The following ZNF215 variants were observed in gnomAD, a reference collection of about 807,000 sequenced individuals.
ZNF215 encodes the protein zinc finger protein 215.
ZNF215 carries 24 observed loss-of-function variants against 27.2 expected under a neutral mutation model. The ratio of observed to expected loss-of-function variants is 0.88; its 90% CI spans 0.64 to 1.24. The LOEUF (loss-of-function observed/expected upper bound fraction) is 1.24, where lower values mean the gene tolerates loss of function less well. Ranked by LOEUF, ZNF215 falls within the 50% of genes most tolerant of loss-of-function variation. ZNF215 has a pLI of 0.00. For missense variants in ZNF215, 675 were observed against 605.7 expected (o/e 1.11, Z -1.20); for synonymous variants, 210 against 204.0 (o/e 1.03, Z -0.25).
chr11:6,993,912 C>T (rs1375159390), downstream of ZNF215, among the ~76,000 whole-genome samples: 2 of 152,158 alleles, frequency 1.3e-5, no homozygotes, highest in Non-Finnish European at 2.9e-5. Flanking sequence ...AAAGCAATGC[C>T]ATACCTTCTT....
At chr11:6,937,043 C>T (rs1275509811) in intron 3 of ZNF215, among the ~76,000 whole-genome samples, 11 of 151,886 alleles carry the variant, frequency 7.2e-5, no homozygotes, top group Admixed American at 7.2e-4. Flanking sequence ...CCACTCTTGC[C>T]ACTTCTATTC....
Position 6,956,279 on chromosome 11 carries a change from C to T in ZNF215, c.1302C>T (p.Ala434=), listed in dbSNP as rs1850348310. 8 of 1,614,120 alleles carry T rather than the reference C, an allele frequency of 5.0e-6. No individual in the cohort carries two copies. The highest frequency in any genetic ancestry group is 5.9e-6 in the Non-Finnish European group (7 of 1,180,012). Residue 434 remains alanine, a synonymous_variant, in exon 7 of 7, where the codon GCC becomes GCT. Transcript: ENST00000278319. Reference sequence around the variant, plus strand: ...AAAAACTTCATGCTGAAGCAAAGGCCTGCACAAGCAATAAATGTGGAAAGG... The same window carrying T: ...AAAAACTTCATGCTGAAGCAAAGGCTTGCACAAGCAATAAATGTGGAAAGG... ...KHQKLHAEAK[A]CTSNKCGKAF...
downstream of ZNF215, among the ~76,000 whole-genome samples, chr11:6,959,418 T>G (rs1850469602): frequency 6.6e-6 from 1 of 152,152 alleles, no homozygotes. Context: ...AATAGTGAGA[T>G]AAAATTGTTG....
At chr11:6,938,130 C>A (rs1008088467) in intron 3 of ZNF215, among the ~76,000 whole-genome samples, 2 of 151,912 alleles carry the variant, frequency 1.3e-5, no homozygotes, top group East Asian at 3.9e-4. Context: ...ATATAAAGAA[C>A]TCTTACAATT....
chr11:6,932,118 TTTG>T lies in ZNF215; in HGVS notation c.-153_-151del. On this transcript the variant is annotated 5_prime_UTR_variant, in exon 3 of 7. Coordinates refer to ENST00000278319, the MANE Select transcript of ZNF215 (RefSeq NM_013250.4). ...GTTGCTCAGGTACCTGAATATTGGCTTTGTGTCTAAAGTTTCTGGAACTTTCCT... is the reference window on the plus strand; with the variant it reads ...GTTGCTCAGGTACCTGAATATTGGCTTGTCTAAAGTTTCTGGAACTTTCCT... The T allele has an allele frequency of 1.1e-6, 1 of 874,260 alleles. No homozygotes were observed. The highest frequency in any genetic ancestry group is 1.7e-6 in the Non-Finnish European group (1 of 593,388). 54.2% of individuals were successfully genotyped at this position (874,260 alleles called of 1,614,324 possible).
chr11:6,929,056 G>A (rs567853107), intron 2 of ZNF215, among the ~76,000 whole-genome samples: 1 of 152,258 alleles, frequency 6.6e-6, no homozygotes, highest in Admixed American at 6.5e-5. Context: ...CAGGGCAACT[G>A]GAAGCAATTT....
intron 3 of ZNF215, among the ~76,000 whole-genome samples, chr11:6,937,837 C>G (rs1849492253): frequency 6.6e-6 from 1 of 151,742 alleles, no homozygotes; most frequent in Non-Finnish European, 1.5e-5. Flanking sequence ...ATATCATGTA[C>G]AAAAATTAAC....
At chr11:6,989,847 C>T (rs753105240), downstream of ZNF215, among the ~76,000 whole-genome samples, 1 of 152,074 alleles carries the variant, frequency 6.6e-6, no homozygotes, top group Non-Finnish European at 1.5e-5. Flanking sequence ...GGTCATGTAA[C>T]CTGAGTATGC....
At chr11:6,967,411 C>T (rs1850643726) in intron 5 of ZNF215, among the ~76,000 whole-genome samples, 1 of 152,212 alleles carries the variant, frequency 6.6e-6, no homozygotes. Context: ...AACTAATTTA[C>T]ACTCCCACCA....
intron 3 of ZNF215, among the ~76,000 whole-genome samples, chr11:6,934,089 T>G (rs1402567820): frequency 6.6e-6 from 1 of 152,186 alleles, no homozygotes; most frequent in Non-Finnish European, 1.5e-5. Context: ...ATATTGGTAT[T>G]GTGGTTATAT....
chr11:6,944,236 A>G, intron 6 of ZNF215, among the ~76,000 whole-genome samples: 1 of 152,172 alleles, frequency 6.6e-6, no homozygotes, highest in Non-Finnish European at 1.5e-5. Flanking sequence ...AGATCGCACC[A>G]CTGCACTCCA....
intron 3 of ZNF215, among the ~76,000 whole-genome samples, chr11:6,932,940 C>A (rs978191565): frequency 6.6e-6 from 1 of 152,206 alleles, no homozygotes; most frequent in African/African-American, 2.4e-5. Context: ...ATATGGCACA[C>A]AGGCCAAATA....
At chr11:6,971,515 T>C (rs1355529644) in intron 5 of ZNF215, among the ~76,000 whole-genome samples, 1 of 152,178 alleles carries the variant, frequency 6.6e-6, no homozygotes, top group Non-Finnish European at 1.5e-5. Context: ...AGGAAGATAG[T>C]AGATGCTCAA....
intron 5 of ZNF215, among the ~76,000 whole-genome samples, chr11:6,972,819 C>T (rs1277669513): frequency 6.6e-6 from 1 of 152,152 alleles, no homozygotes; most frequent in Admixed American, 6.6e-5. Context: ...TTGTAGGGCT[C>T]AAGAGACTAG....
At chr11:6,955,483 A>G (rs1850295009) in intron 6 of ZNF215, among the ~76,000 whole-genome samples, 1 of 152,190 alleles carries the variant, frequency 6.6e-6, no homozygotes, top group Non-Finnish European at 1.5e-5. Context: ...AGTATTCCAG[A>G]ATAGCTCTCC....
chr11:6,953,313 A>G (rs999426593), intron 6 of ZNF215, among the ~76,000 whole-genome samples: 4 of 152,162 alleles, frequency 2.6e-5, no homozygotes, highest in Non-Finnish European at 4.4e-5. Flanking sequence ...TCTCCTGGAA[A>G]ATGTCTTGCA....
chr11:6,945,790 C>T (rs772899418), intron 6 of ZNF215, among the ~76,000 whole-genome samples: 4 of 152,116 alleles, frequency 2.6e-5, no homozygotes, highest in African/African-American at 4.8e-5. Context: ...TCTCTTCTTG[C>T]TCTTTTCTTC....
In ZNF215 at chr11:6,984,052, A is replaced by G. The variant is rs77425849; in HGVS notation, c.806-77A>G. 3.6e-3 allele frequency: 1,303 copies of G among 366,056 alleles called. 21 individuals are homozygous for G. The highest frequency in any genetic ancestry group is 0.026 in the African/African-American group (1,181 of 45,194). The allele number at this position is 366,056 out of a possible 1,614,324, so 22.7% of individuals were successfully genotyped here. On this transcript the variant is annotated intron_variant, in intron 5 of 5. Coordinates refer to the ZNF215 transcript ENST00000529903. ...AAAAATTAACATACTCTCAAACGCT[A>G]TCTTTGGGGGTATGAAGTGGTAAAA... is the stretch of plus-strand genomic sequence containing the variant.
At chr11:6,970,077 T>G (rs1403989235) in intron 5 of ZNF215, among the ~76,000 whole-genome samples, 1 of 150,566 alleles carries the variant, frequency 6.6e-6, no homozygotes, top group Non-Finnish European at 1.5e-5. Context: ...CCACTGTGCC[T>G]GGCCAGCATT....
Sources: gnomAD v4.1 joint callset for allele counts (sites outside exome capture counted in the v4.1 genomes callset) on GRCh38, gnomAD v4.1.1 for gene constraint, MANE v1.5 for transcripts, NCBI Gene and HGNC (gene_info 2026-07-23, HGNC 2026-07-21) for gene names.